RTL4: variants seen among roughly 807,000 people sequenced by gnomAD.
The protein encoded by RTL4 is retrotransposon Gag like 4.
RTL4 carries 4 observed loss-of-function variants against 5.3 expected under a neutral mutation model. The ratio of observed to expected loss-of-function variants is 0.75; its 90% confidence interval spans 0.37 to 1.72. RTL4 has a LOEUF of 1.72. Among genes scored for constraint, RTL4 ranks in the 40% most tolerant of loss-of-function variants. RTL4 has a pLI of 0.04. For synonymous variants in RTL4, 98 were observed against 87.3 expected, an observed-to-expected ratio of 1.12 and a Z score of -0.68; for missense variants, 260 against 227.1, an observed-to-expected ratio of 1.14 and a Z score of -0.93.
the RTL4 span, among the ~76,000 whole-genome samples, chrX:112,375,287 C>T: frequency 1.2e-3 from 138 of 110,752 alleles, no homozygotes; most frequent in African/African-American, 4.1e-3. Flanking sequence ...GAGGCGGGGG[C>T]GGAAGTCTAC....
the RTL4 span, among the ~76,000 whole-genome samples, chrX:112,125,067 A>AT: frequency 0.015 from 1,437 of 95,588 alleles, 22 homozygotes; most frequent in South Asian, 0.037. Flanking sequence ...CACCTGGCTA[A>AT]TTTTTTTTTT....
At chrX:112,224,149 G>A in the RTL4 span, among the ~76,000 whole-genome samples, 1 of 110,793 alleles carries the variant, frequency 9.0e-6, no homozygotes. Flanking sequence ...CTGCTGGGCG[G>A]TCAGAAGCAG....
At chrX:112,235,210 C>T in the RTL4 span, among the ~76,000 whole-genome samples, 1 of 111,954 alleles carries the variant, frequency 8.9e-6, no homozygotes, top group Non-Finnish European at 1.9e-5. Context: ...TTGCAGCCAA[C>T]TGATATCAAT....
the RTL4 span, among the ~76,000 whole-genome samples, chrX:112,161,844 C>CTTT: frequency 0.018 from 731 of 39,973 alleles, 27 homozygotes; most frequent in African/African-American, 0.055. Context: ...TTCCTTCCTT[C>CTTT]CTTTCTTTCT....
the RTL4 span, among the ~76,000 whole-genome samples, chrX:112,113,313 A>C: frequency 3.6e-5 from 4 of 110,999 alleles, no homozygotes; most frequent in Non-Finnish European, 7.5e-5. Flanking sequence ...CATGTAGATA[A>C]TAGCTCCAGC....
the RTL4 span, among the ~76,000 whole-genome samples, chrX:112,437,802 ATGGTGGTGGTGGTGGTGGTGGTGGTGG>A: frequency 3.9e-5 from 3 of 76,978 alleles, no homozygotes; most frequent in South Asian, 8.9e-4. Flanking sequence ...GGTGGTGGTG[ATGGTGGTGGTGGTGGTGGTGGTGGTGG>A]TGGTGGTGGT....
chrX:112,296,695 C>T, the RTL4 span, among the ~76,000 whole-genome samples: 106 of 107,139 alleles, frequency 9.9e-4, 5 homozygotes, highest in South Asian at 0.033. Flanking sequence ...CTGCAAGCTC[C>T]GCCTCCCGAG....
the RTL4 span, among the ~76,000 whole-genome samples, chrX:112,418,012 G>A: frequency 2.7e-5 from 3 of 110,753 alleles, no homozygotes; most frequent in African/African-American, 6.6e-5. Context: ...GCCGGGCGTG[G>A]TGGCATGTGC....
the RTL4 span, among the ~76,000 whole-genome samples, chrX:112,101,971 A>G: frequency 9.0e-6 from 1 of 110,801 alleles, no homozygotes; most frequent in Admixed American, 9.6e-5. Flanking sequence ...GCCTTTCAAG[A>G]GACTGTGGCC....
At chrX:112,165,590 T>G in the RTL4 span, among the ~76,000 whole-genome samples, 2 of 111,872 alleles carry the variant, frequency 1.8e-5, no homozygotes, top group African/African-American at 6.5e-5. Flanking sequence ...AATCTCTCTC[T>G]CTCTCTCTTT....
chrX:112,206,110 T>C, the RTL4 span, among the ~76,000 whole-genome samples: 4 of 112,083 alleles, frequency 3.6e-5, no homozygotes, highest in Admixed American at 9.5e-5. Flanking sequence ...TCTATGGTGA[T>C]GTTATTGTCT....
chrX:112,099,215 G>C, the RTL4 span, among the ~76,000 whole-genome samples: 1 of 112,033 alleles, frequency 8.9e-6, no homozygotes, highest in South Asian at 3.7e-4. Context: ...CCATCAAAAA[G>C]TGGGTGAAGG....
the RTL4 span, among the ~76,000 whole-genome samples, chrX:112,411,249 G>A: frequency 9.0e-6 from 1 of 111,360 alleles, no homozygotes; most frequent in East Asian, 2.8e-4. Flanking sequence ...GGGAACTGAT[G>A]GATTCCCTGC....
chrX:112,347,763 C>A, the RTL4 span, among the ~76,000 whole-genome samples: 1 of 111,652 alleles, frequency 9.0e-6, no homozygotes, highest in Admixed American at 9.5e-5. Flanking sequence ...TGAGATATCT[C>A]CAACCTAATG....
At chrX:112,185,465 A>G in the RTL4 span, among the ~76,000 whole-genome samples, 2 of 106,168 alleles carry the variant, frequency 1.9e-5, no homozygotes, top group Non-Finnish European at 3.9e-5. Flanking sequence ...GCAGAGAGAT[A>G]GATAATCTAA....
the RTL4 span, among the ~76,000 whole-genome samples, chrX:112,246,911 A>G: frequency 1.8e-5 from 2 of 112,191 alleles, no homozygotes; most frequent in African/African-American, 6.5e-5. Context: ...AGCTAAATGG[A>G]TGTAAGATTT....
At chrX:112,400,884 C>A in the RTL4 span, among the ~76,000 whole-genome samples, 9 of 111,276 alleles carry the variant, frequency 8.1e-5, no homozygotes, top group African/African-American at 2.9e-4. Flanking sequence ...CAAACTCAAG[C>A]TGCCTTGGTC....
chrX:112,128,306 C>T, the RTL4 span, among the ~76,000 whole-genome samples: 1 of 111,368 alleles, frequency 9.0e-6, no homozygotes. Flanking sequence ...CCAAGGCCAT[C>T]AATAAGGAGA....
At chrX:112,137,147 TA>T in the RTL4 span, among the ~76,000 whole-genome samples, 411 of 109,516 alleles carry the variant, frequency 3.8e-3, 1 homozygote, top group African/African-American at 0.013. Flanking sequence ...ACTCAATATT[TA>T]AAAAAAAAGA....
Sources: gnomAD v4.1 joint callset for allele counts (sites outside exome capture counted in the v4.1 genomes callset) on GRCh38, gnomAD v4.1.1 for gene constraint, MANE v1.5 for transcripts, NCBI Gene and HGNC (gene_info 2026-07-23, HGNC 2026-07-21) for gene names.